Variants in TMEM51 observed in about 807,000 individuals in gnomAD.
TMEM51 encodes transmembrane protein 51, also known as chromosome 1 open reading frame 72.
A neutral mutation model predicts 13.6 loss-of-function variants in TMEM51; 8 were observed. The ratio of observed to expected loss-of-function variants is 0.59; its 90% CI spans 0.35 to 1.07. The LOEUF (loss-of-function observed/expected upper bound fraction) is 1.07, where lower values mean the gene tolerates loss of function less well. Among genes scored for constraint, TMEM51 ranks in the 50% least tolerant of loss-of-function variants. The pLI is 0.02. For synonymous variants in TMEM51, 147 were observed against 144.4 expected (o/e 1.02, Z -0.13); for missense variants, 279 against 330.7 (o/e 0.84, Z 1.21).
At chr1:15,162,905 T>C (rs1642836142) in intron 1 of TMEM51, among the ~76,000 whole-genome samples, 2 of 152,006 alleles carry the variant, frequency 1.3e-5, no homozygotes, top group African/African-American at 4.8e-5. Context: ...TTCAGTTTTG[T>C]AAAATGAAAG....
intron 1 of TMEM51, among the ~76,000 whole-genome samples, chr1:15,185,523 A>C (rs921825895): frequency 6.6e-6 from 1 of 152,166 alleles, no homozygotes; most frequent in South Asian, 2.1e-4. Context: ...TCTCTTCTTC[A>C]TTTACTGGGA....
intron 1 of TMEM51, among the ~76,000 whole-genome samples, chr1:15,168,152 T>C (rs1394014321): frequency 6.6e-6 from 1 of 152,216 alleles, no homozygotes; most frequent in Admixed American, 6.5e-5. Flanking sequence ...AGTATTATAG[T>C]GGTCAGGATC....
intron 2 of TMEM51, among the ~76,000 whole-genome samples, chr1:15,212,955 G>A (rs535294921): frequency 1.4e-4 from 21 of 152,346 alleles, no homozygotes; most frequent in African/African-American, 3.4e-4. Context: ...GTGCGTTCAC[G>A]CACGTGCACA....
At chr1:15,211,835 C>A (rs867621508) in intron 2 of TMEM51, among the ~76,000 whole-genome samples, 6 of 122,826 alleles carry the variant, frequency 4.9e-5, no homozygotes, top group African/African-American at 8.9e-5. Context: ...CCCCCCCCCC[C>A]CCGGGATTTT....
chr1:15,198,934 CT>C (rs1463665536), intron 1 of TMEM51, among the ~76,000 whole-genome samples: 1 of 152,202 alleles, frequency 6.6e-6, no homozygotes, highest in Non-Finnish European at 1.5e-5. Flanking sequence ...CGGCCCTTAG[CT>C]GGGACCTGCT....
chr1:15,177,086 G>A (rs1280079622), intron 1 of TMEM51, among the ~76,000 whole-genome samples: 6 of 152,168 alleles, frequency 3.9e-5, no homozygotes, highest in African/African-American at 1.4e-4. Context: ...TTGTGGCAAA[G>A]TGGGGTGCCA....
At chr1:15,210,318 T>G (rs1278930340) in intron 1 of TMEM51, among the ~76,000 whole-genome samples, 172 bp from the exon 2 acceptor site, 4 of 152,246 alleles carry the variant, frequency 2.6e-5, no homozygotes, top group Non-Finnish European at 5.9e-5. Flanking sequence ...CATATTTTTT[T>G]GTACAGAATT....
chr1:15,203,251 C>CGTTTTTT (rs1557853187), intron 1 of TMEM51, among the ~76,000 whole-genome samples: 1 of 151,904 alleles, frequency 6.6e-6, no homozygotes, highest in African/African-American at 2.4e-5. Context: ...ACCTGGCCAC[C>CGTTTTTT]GTTTTTTGTT....
intron 1 of TMEM51, among the ~76,000 whole-genome samples, chr1:15,181,652 C>T (rs542998033): frequency 2.0e-5 from 3 of 152,218 alleles, no homozygotes; most frequent in Non-Finnish European, 2.9e-5. Flanking sequence ...AGCAGGTTCT[C>T]GACCAGACGG....
Position 15,215,298 on chromosome 1 carries a change from G to A in TMEM51, c.211G>A (p.Gly71Arg). Residue 71 changes from glycine (G) to arginine (R), a missense_variant, in exon 3 of 4, where the codon GGG becomes AGG. Physicochemically the swap from Gly to Arg is moderately radical, Grantham distance 125 (BLOSUM62 -2). Transcript: ENST00000376008. ...KTFSVAYVLV[G>R]AGVMLLLLSI... is the part of the protein sequence containing the mutation. ...CTTCTCTGTGGCCTACGTGCTGGTC[G>A]GGGCCGGGGTGATGCTGCTGCTGCT... The A allele has an allele frequency of 3.7e-6, 6 of 1,614,202 alleles. No individual in the cohort carries two copies. The highest frequency in any genetic ancestry group is 1.1e-5 in the South Asian group (1 of 91,086).
At chr1:15,212,977 G>A (rs1019377924) in intron 2 of TMEM51, among the ~76,000 whole-genome samples, 3 of 152,244 alleles carry the variant, frequency 2.0e-5, no homozygotes, top group African/African-American at 7.2e-5. Context: ...ACACAGTGCT[G>A]TGCATTCAGG....
intron 1 of TMEM51, among the ~76,000 whole-genome samples, chr1:15,189,393 C>A (rs1643883785): frequency 6.6e-6 from 1 of 152,006 alleles, no homozygotes; most frequent in African/African-American, 2.4e-5. Context: ...GTTGTTCAGC[C>A]TGGAAGTTTC....
At chr1:15,202,464 T>A (rs1644174404) in intron 1 of TMEM51, among the ~76,000 whole-genome samples, 1 of 152,132 alleles carries the variant, frequency 6.6e-6, no homozygotes, top group African/African-American at 2.4e-5. Flanking sequence ...AAGTCCAGCC[T>A]CAGTTTCATG....
intron 1 of TMEM51, among the ~76,000 whole-genome samples, chr1:15,163,010 C>T (rs1642841264): frequency 6.6e-6 from 1 of 151,938 alleles, no homozygotes; most frequent in Admixed American, 6.6e-5. Flanking sequence ...AGATAGTCAA[C>T]TTTATGTTAT....
chr1:15,165,723 C>T (rs1414030645), intron 1 of TMEM51, among the ~76,000 whole-genome samples: 1 of 152,084 alleles, frequency 6.6e-6, no homozygotes, highest in East Asian at 1.9e-4. Context: ...TTTGCAGCAA[C>T]AGGGAATTGG....
chr1:15,191,690 C>G, intron 1 of TMEM51: 1 of 305,974 alleles, frequency 3.3e-6, no homozygotes, highest in Non-Finnish European at 6.4e-6. Flanking sequence ...GTTCCTAGAT[C>G]ACTCATCCCA....
intron 1 of TMEM51, among the ~76,000 whole-genome samples, chr1:15,160,776 C>CG (rs35932366): frequency 0.18 from 26,675 of 151,736 alleles, 2,789 homozygotes; most frequent in African/African-American, 0.27. Flanking sequence ...AGCTAAACAC[C>CG]GGCGCCATCA....
At chr1:15,193,215 A>T (rs1023665383) in intron 1 of TMEM51, among the ~76,000 whole-genome samples, 1 of 152,218 alleles carries the variant, frequency 6.6e-6, no homozygotes, top group African/African-American at 2.4e-5. Flanking sequence ...TGACCCATGG[A>T]GGTACCTCTC....
chr1:15,157,113 C>G (rs1413165546), intron 1 of TMEM51, among the ~76,000 whole-genome samples: 1 of 152,228 alleles, frequency 6.6e-6, no homozygotes, highest in Non-Finnish European at 1.5e-5. Flanking sequence ...TTTCCCAATA[C>G]CAGGCCACAC....
Sources: allele counts gnomAD v4.1 joint callset (sites outside exome capture counted in the v4.1 genomes callset), GRCh38; gene constraint gnomAD v4.1.1; transcripts MANE v1.5; gene names NCBI Gene and HGNC (gene_info 2026-07-23, HGNC 2026-07-21).